Variants in BCKDHB observed in about 807,000 individuals in gnomAD.
The protein encoded by BCKDHB is branched chain keto acid dehydrogenase E1 subunit beta.
In BCKDHB, 41 loss-of-function variants were observed where a neutral mutation model predicts 48.5. That is an observed-to-expected ratio of 0.85 (90% CI 0.66 to 1.10). BCKDHB has a LOEUF of 1.10. BCKDHB is among the 50% of genes least tolerant of loss of function. The pLI is 0.00. For synonymous variants in BCKDHB, 201 were observed against 174.8 expected (o/e 1.15, Z -1.18); for missense variants, 496 against 494.2 (o/e 1.00, Z -0.03).
intron 9 of BCKDHB, among the ~76,000 whole-genome samples, chr6:80,310,808 G>C (rs192414767): frequency 6.6e-6 from 1 of 152,218 alleles, no homozygotes; most frequent in African/African-American, 2.4e-5. Context: ...GTGTCAGATG[G>C]TATTTCATTG....
chr6:80,257,570 AT>A (rs1428544736), intron 8 of BCKDHB, among the ~76,000 whole-genome samples: 1 of 151,746 alleles, frequency 6.6e-6, no homozygotes, highest in Admixed American at 6.6e-5. Context: ...ATGAGAGGGG[AT>A]TTATTAAGGG....
intron 8 of BCKDHB, among the ~76,000 whole-genome samples, chr6:80,210,712 T>G (rs1391434132): frequency 2.6e-5 from 4 of 152,292 alleles, no homozygotes; most frequent in African/African-American, 9.6e-5. Flanking sequence ...AAGATTTTCC[T>G]TTTATCATGC....
chr6:80,420,753 G>A, the BCKDHB span, among the ~76,000 whole-genome samples: 1 of 152,184 alleles, frequency 6.6e-6, no homozygotes, highest in Non-Finnish European at 1.5e-5. Flanking sequence ...CTATTCAGCT[G>A]TGCTGCCGAT....
rs1294903760 is a variant in BCKDHB, at chr6:80,106,795, C to T, written c.102C>T (p.Gly34=). Reference sequence around the variant, plus strand: ...TTCCTGGCGCGGGGCTGGCGCGGGGCTTTTTGCACCCCGCCGCGACTGTCG... The same window carrying T: ...TTCCTGGCGCGGGGCTGGCGCGGGGTTTTTTGCACCCCGCCGCGACTGTCG... The part of the protein sequence containing the change: ...RRLPGAGLAR[G]FLHPAATVED... Residue 34 remains glycine (G), a synonymous_variant, in exon 1 of 10, where the codon GGC becomes GGT. Transcript: ENST00000320393. 2 of 1,600,760 alleles carry T rather than the reference C, an allele frequency of 1.2e-6. No homozygotes were observed. Among genetic ancestry groups the T allele is most frequent in the Admixed American group, 1.7e-5 (1 of 58,456 alleles).
chr6:80,420,640 G>A, the BCKDHB span, among the ~76,000 whole-genome samples: 2 of 152,214 alleles, frequency 1.3e-5, no homozygotes, highest in Non-Finnish European at 2.9e-5. Flanking sequence ...ATGCCACATG[G>A]TGAAGTCTGT....
intron 2 of BCKDHB, among the ~76,000 whole-genome samples, chr6:80,128,217 G>T (rs59516180): frequency 0.21 from 31,326 of 151,638 alleles, 4,391 homozygotes; most frequent in African/African-American, 0.39. Context: ...CATATATGTT[G>T]ACTATACATT....
intron 6 of BCKDHB, 148 bp from the exon 7 acceptor site, chr6:80,200,786 A>G: frequency 4.6e-6 from 3 of 654,890 alleles, no homozygotes; most frequent in Non-Finnish European, 8.0e-6. Flanking sequence ...GCCATATCAT[A>G]AATGCTATTT....
At chr6:80,147,078 G>A (rs552485321) in intron 3 of BCKDHB, among the ~76,000 whole-genome samples, 1 of 152,212 alleles carries the variant, frequency 6.6e-6, no homozygotes, top group East Asian at 1.9e-4. Flanking sequence ...AAGTCTTAGA[G>A]TGCTTTTTAC....
chr6:80,269,122 A>AT (rs1164229734), intron 8 of BCKDHB, among the ~76,000 whole-genome samples: 3 of 152,142 alleles, frequency 2.0e-5, no homozygotes, highest in Non-Finnish European at 4.4e-5. Context: ...TGTGCTAGAC[A>AT]TTCTGCATTG....
At position 80,282,122 on chromosome 6, in the gene BCKDHB, C is replaced by T. The variant is rs140685612; in HGVS notation, c.1038+8901C>T. 4.7e-4 allele frequency among the ~76,000 whole-genome samples: 71 copies of T among 152,074 alleles called. No homozygotes were observed. The South Asian group carries it at 8.9e-3, about 19-fold the overall frequency. ...TGTTAAGCATTCTTAAATGTCAATA[C>T]GGAAATTAATAGGGCCTTTATTTAA... On this transcript the variant is annotated intron_variant, in intron 9 of 9. Coordinates refer to ENST00000320393, the MANE Select transcript of BCKDHB (RefSeq NM_183050.4).
At chr6:80,456,969 A>C in the BCKDHB span, among the ~76,000 whole-genome samples, 1 of 152,178 alleles carries the variant, frequency 6.6e-6, no homozygotes, top group Non-Finnish European at 1.5e-5. Flanking sequence ...TTTTGTTTTC[A>C]TGTTGGCCAC....
chr6:80,293,970 C>A (rs181937762), intron 9 of BCKDHB, among the ~76,000 whole-genome samples: 2 of 152,206 alleles, frequency 1.3e-5, no homozygotes, highest in Admixed American at 1.3e-4. Context: ...GTCCATATCA[C>A]TATCCGCATT....
intron 9 of BCKDHB, among the ~76,000 whole-genome samples, chr6:80,278,703 C>G (rs1377337039): frequency 1.3e-5 from 2 of 152,128 alleles, no homozygotes; most frequent in Admixed American, 1.3e-4. Flanking sequence ...GGATTACAGG[C>G]ACCTGCCACC....
intron 9 of BCKDHB, among the ~76,000 whole-genome samples, chr6:80,295,432 ATACT>A (rs1166536753): frequency 6.6e-6 from 1 of 152,048 alleles, no homozygotes; most frequent in Non-Finnish European, 1.5e-5. Context: ...AGATCTCATG[ATACT>A]TACTCACTAT....
chr6:80,440,330 T>C, the BCKDHB span, among the ~76,000 whole-genome samples: 1 of 152,230 alleles, frequency 6.6e-6, no homozygotes, highest in East Asian at 1.9e-4. Flanking sequence ...AGGTAGTTTA[T>C]GACTAACTTT....
intron 1 of BCKDHB, among the ~76,000 whole-genome samples, chr6:80,116,091 C>G (rs576496876): frequency 6.6e-6 from 1 of 152,186 alleles, no homozygotes; most frequent in African/African-American, 2.4e-5. Flanking sequence ...ACTCACTGAC[C>G]GTGTGCTCTG....
chr6:80,184,732 T>G (rs770569076), intron 6 of BCKDHB, among the ~76,000 whole-genome samples: 1 of 152,170 alleles, frequency 6.6e-6, no homozygotes, highest in African/African-American at 2.4e-5. Context: ...TGGCTGATAA[T>G]TATTTTATTT....
chr6:80,407,834 A>C, the BCKDHB span, among the ~76,000 whole-genome samples: 4,772 of 152,192 alleles, frequency 0.031, 200 homozygotes, highest in African/African-American at 0.095. Context: ...TTTCTAATTG[A>C]ATACCCTTTA....
intron 3 of BCKDHB, among the ~76,000 whole-genome samples, chr6:80,136,272 T>C (rs2322633): frequency 0.49 from 74,078 of 151,946 alleles, 18,634 homozygotes; most frequent in East Asian, 0.7. Flanking sequence ...CAAACATTGA[T>C]GAATGGAATA....
Sources: allele counts gnomAD v4.1 joint callset (sites outside exome capture counted in the v4.1 genomes callset), GRCh38; gene constraint gnomAD v4.1.1; transcripts MANE v1.5; gene names NCBI Gene and HGNC (gene_info 2026-07-23, HGNC 2026-07-21).